Variants in KDM4B observed in about 807,000 individuals in gnomAD.
KDM4B encodes lysine-specific demethylase 4B.
In KDM4B, 32 loss-of-function variants were observed where a neutral mutation model predicts 125.2. The ratio of observed to expected loss-of-function variants is 0.26; its 90% CI spans 0.19 to 0.34. The LOEUF is 0.34. Among genes scored for constraint, KDM4B ranks in the 10% least tolerant of loss-of-function variants. The pLI is 1.00. For missense variants in KDM4B, 1,190 were observed against 1,577.7 expected, an observed-to-expected ratio of 0.75 and a Z score of 4.16; for synonymous variants, 721 against 677.9, an observed-to-expected ratio of 1.06 and a Z score of -0.99.
intron 6 of KDM4B, among the ~76,000 whole-genome samples, chr19:5,060,486 C>T (rs192308426): frequency 4.5e-4 from 63 of 141,458 alleles, no homozygotes; most frequent in Middle Eastern, 4.0e-3. Context: ...TGTTCTCCAG[C>T]TGCAGTCCCT....
At chr19:5,126,543 G>C (rs2620845) in intron 11 of KDM4B, among the ~76,000 whole-genome samples, 88,725 of 152,146 alleles carry the variant, frequency 0.58, 26,006 homozygotes, top group East Asian at 0.66. Context: ...GCGGTGAGTG[G>C]GGCAGCCAGC....
At chr19:5,030,662 G>A (rs1367992128) in intron 2 of KDM4B, among the ~76,000 whole-genome samples, 3 of 152,260 alleles carry the variant, frequency 2.0e-5, no homozygotes, top group African/African-American at 7.2e-5. Flanking sequence ...GGAGACTCAT[G>A]CGGTCATGGC....
chr19:4,969,400 T>TG (rs756397613), intron 1 of KDM4B, among the ~76,000 whole-genome samples, 170 bp downstream of exon 1: 146,319 of 146,322 alleles, frequency 1, 73,158 homozygotes, highest in Middle Eastern at 1. Flanking sequence ...GCGGGGCGGT[T>TG]GGGGCGTTAA....
chr19:5,111,807 C>G (rs748126320), intron 10 of KDM4B: 1 of 765,084 alleles, frequency 1.3e-6, no homozygotes. Context: ...GTCTCGACTC[C>G]GCATGGCAAC....
At chr19:5,108,493 G>T (rs1370327532) in intron 9 of KDM4B, among the ~76,000 whole-genome samples, 2 of 152,172 alleles carry the variant, frequency 1.3e-5, no homozygotes, top group Non-Finnish European at 2.9e-5. Context: ...GGTGGGGGGA[G>T]GCACGAGCTG....
chr19:5,084,286 A>G (rs960041010), intron 9 of KDM4B, among the ~76,000 whole-genome samples: 10 of 146,660 alleles, frequency 6.8e-5, no homozygotes, highest in African/African-American at 2.2e-4. Context: ...TGTAATTTAT[A>G]TGTTATATAT....
chr19:5,035,863 CTG>C lies in KDM4B; in HGVS notation c.141+2849_141+2850del, dbSNP rs376827867. 9.6e-3 allele frequency among the ~76,000 whole-genome samples: 1,372 copies of C among 142,280 alleles called. 15 individuals carry two copies. Among genetic ancestry groups the C allele is most frequent in the Middle Eastern group, 0.014 (4 of 278 alleles). 93.3% of individuals were successfully genotyped at this position (142,280 alleles called of 152,430 possible). ...GGAGGGGCTGTGTGTGCACGTGTCTCTGTGTGTGTGTGTGTGTGCGCGCGCGC... is the reference window on the plus strand; with the variant it reads ...GGAGGGGCTGTGTGTGCACGTGTCTCTGTGTGTGTGTGTGTGCGCGCGCGC... On this transcript the variant is annotated intron_variant, in intron 3 of 22. Coordinates refer to ENST00000159111, the MANE Select transcript of KDM4B (RefSeq NM_015015.3). This position sits in a 1 kb window ranked among gnomAD's most constrained non-coding sequence, Gnocchi z 5.3.
At chr19:5,090,517 T>C (rs1236740798) in intron 9 of KDM4B, among the ~76,000 whole-genome samples, 3 of 32,630 alleles carry the variant, frequency 9.2e-5, no homozygotes, top group African/African-American at 2.5e-4. Context: ...TCTCTCTCCC[T>C]CTCCCCCTCT....
In KDM4B at chr19:5,089,558, C is replaced by T. The variant is rs13344204; in HGVS notation, c.918+7054C>T. Among the ~76,000 whole-genome samples the T allele has an allele frequency of 6.6e-3, 1,003 of 152,158 alleles. 15 individuals carry two copies. The highest frequency in any genetic ancestry group is 0.023 in the African/African-American group (952 of 41,498). On this transcript the variant is annotated intron_variant, in intron 9 of 22. Transcript: ENST00000159111. ...TGTGGACTGGGACTCTTGTGATTCC[C>T]GTTTTTTGTGGGGATGTGGTTCTTG...
intron 6 of KDM4B, among the ~76,000 whole-genome samples, chr19:5,067,270 C>T (rs1407775791): frequency 5.9e-5 from 9 of 152,188 alleles, no homozygotes; most frequent in Admixed American, 5.9e-4. Flanking sequence ...CCTCTGAAGC[C>T]CCGTGGCTGT....
In KDM4B at chr19:4,971,949, G is replaced by A. The variant is rs967445519; in HGVS notation, c.-109+2719G>A. 6.6e-6 allele frequency among the ~76,000 whole-genome samples: 1 copy of A among 152,024 alleles called. No individual in the cohort carries two copies. Among genetic ancestry groups the A allele is most frequent in the African/African-American group, 2.4e-5 (1 of 41,390 alleles). On this transcript the variant is annotated intron_variant, in intron 1 of 22. Coordinates refer to ENST00000159111, the MANE Select transcript of KDM4B (RefSeq NM_015015.3). The surrounding 1 kb of genome is among the most constrained non-coding windows in gnomAD (Gnocchi z 4.1). ...AGCAGATGAACAGGGTGGGGGCTCG[G>A]GGCGGGGGGAGCTCCGCAGGCCTGC... is the stretch of plus-strand genomic sequence containing the variant.
intron 5 of KDM4B, among the ~76,000 whole-genome samples, chr19:5,042,413 T>G (rs2036846714): frequency 6.6e-6 from 1 of 150,470 alleles, no homozygotes; most frequent in Non-Finnish European, 1.5e-5. Flanking sequence ...GGCAGGAGAA[T>G]CGCTTGAACC....
rs1599255024 is a variant in KDM4B, at chr19:5,135,368, A to T, written c.2115A>T (p.Ile705=). ...TACAGACTGAGAAGGAGGCACCCAT[A>T]GCCTCCCTCGGAGAGGGCTGCCCGG... ...QALQTEKEAP[I]ASLGEGCPAT... The change falls in exon 15 of 23, where the codon ATA becomes ATT. Residue 705 remains isoleucine (I), a synonymous_variant. Transcript: ENST00000159111. The T allele has an allele frequency of 6.2e-6, 10 of 1,612,830 alleles. No individual in the cohort carries two copies. Among genetic ancestry groups the T allele is most frequent in the Non-Finnish European group, 8.5e-6 (10 of 1,179,454 alleles).
At position 5,081,558 on chromosome 19, in the gene KDM4B, C is replaced by T. The variant is rs899275010; in HGVS notation, c.781-809C>T. Among the ~76,000 whole-genome samples, 24 of 152,144 alleles carry T rather than the reference C, an allele frequency of 1.6e-4. No individual in the cohort carries two copies. Among genetic ancestry groups the T allele is most frequent in the Non-Finnish European group, 3.2e-4 (22 of 68,020 alleles). On this transcript the variant is annotated intron_variant, in intron 8 of 22. Coordinates refer to ENST00000159111, the MANE Select transcript of KDM4B (RefSeq NM_015015.3). This position sits in a 1 kb window ranked among gnomAD's most constrained non-coding sequence, Gnocchi z 4.2. Reference sequence around the variant, plus strand: ...ACCCCAGCCACGCACGCCTCGGCTCCTCAGTTTAGGGGGTCCTGCTTCAGA... The same window carrying T: ...ACCCCAGCCACGCACGCCTCGGCTCTTCAGTTTAGGGGGTCCTGCTTCAGA...
rs147470185 is a variant in KDM4B, at chr19:5,131,360, C to T, written c.1600C>T (p.Arg534Trp). ...PIIPMLYVVP[R>W]PGKAAFNQEH... is the part of the protein sequence containing the mutation. Reference sequence around the variant, plus strand: ...CATCCCCATGCTGTACGTGGTGCCGCGGCCGGGCAAGGCAGCCTTCAACCA... The same window carrying T: ...CATCCCCATGCTGTACGTGGTGCCGTGGCCGGGCAAGGCAGCCTTCAACCA... The change falls in exon 12 of 23, where the codon CGG (arginine) becomes TGG (tryptophan). Residue 534 changes from arginine (R) to tryptophan (W), a missense_variant. Arg to Trp is a moderately radical substitution (Grantham distance 101). Around this residue, in one of 7 missense-constraint regions of KDM4B, gnomAD observed 428 missense variants for 405.1 expected, o/e 1.06. Transcript: ENST00000159111. 321 of 1,612,060 alleles carry T rather than the reference C, an allele frequency of 2.0e-4. No homozygotes were observed. The highest frequency in any genetic ancestry group is 1.5e-3 in the Admixed American group (89 of 59,958).
intron 2 of KDM4B, among the ~76,000 whole-genome samples, chr19:5,016,931 C>T (rs1207510415): frequency 2.0e-5 from 3 of 152,240 alleles, no homozygotes; most frequent in African/African-American, 2.4e-5. Flanking sequence ...CTCATCCCTT[C>T]TGGCCACACC....
chr19:5,145,270 G>T (rs1041971748), intron 21 of KDM4B, among the ~76,000 whole-genome samples: 2 of 151,508 alleles, frequency 1.3e-5, no homozygotes, highest in East Asian at 3.9e-4. Flanking sequence ...GACTGTGGAA[G>T]AGGAATTATT....
chr19:5,056,927 G>T (rs1236687443), intron 6 of KDM4B, among the ~76,000 whole-genome samples: 1 of 152,062 alleles, frequency 6.6e-6, no homozygotes, highest in Non-Finnish European at 1.5e-5. Context: ...GGTGTCTAGA[G>T]CCCTGCCTGT....
chr19:5,106,974 C>T (rs777475754), intron 9 of KDM4B, among the ~76,000 whole-genome samples: 33 of 152,214 alleles, frequency 2.2e-4, no homozygotes, highest in Non-Finnish European at 3.7e-4. Context: ...GCAGAGAATG[C>T]GGCGTATTTG....
Sources: gnomAD v4.1 joint callset for allele counts (sites outside exome capture counted in the v4.1 genomes callset) on GRCh38, gnomAD v4.1.1 for gene constraint, gnomAD v4.1.1 regional missense constraint, Gnocchi (gnomAD v3.1) non-coding constraint, MANE v1.5 for transcripts, NCBI Gene and HGNC (gene_info 2026-07-23, HGNC 2026-07-21) for gene names.